Variants in CIT observed in about 807,000 individuals in gnomAD.
CIT encodes the protein citron Rho-interacting kinase.
In CIT, 79 loss-of-function variants were observed where a neutral mutation model predicts 272.7. The observed-to-expected ratio is 0.29, with a 90% CI of 0.24 to 0.35. CIT has a LOEUF of 0.35. CIT is among the 10% of genes least tolerant of loss of function. CIT has a pLI of 1.00. For synonymous variants in CIT, 948 were observed against 995.6 expected (o/e 0.95, Z 0.90); for missense variants, 1,909 against 2,618.3 (o/e 0.73, Z 5.91).
chr12:119,818,774 C>T (rs1008290970), intron 9 of CIT, among the ~76,000 whole-genome samples: 10 of 152,178 alleles, frequency 6.6e-5, no homozygotes, highest in Non-Finnish European at 1.0e-4. Context: ...GGAAATAATC[C>T]GTGATCACCA....
At chr12:119,877,086 G>A (rs564226391) in intron 1 of CIT, among the ~76,000 whole-genome samples, 163 bp downstream of exon 1, 70 of 152,280 alleles carry the variant, frequency 4.6e-4, no homozygotes, top group Admixed American at 4.6e-3. Flanking sequence ...CGCGCGCACA[G>A]CTAGCCCCGG....
At chr12:119,812,352 G>A (rs553466321) in intron 9 of CIT, among the ~76,000 whole-genome samples, 4 of 152,092 alleles carry the variant, frequency 2.6e-5, no homozygotes, top group South Asian at 2.1e-4. Context: ...CATGAATTAC[G>A]TACACCCAAT....
rs147678763 is a variant in CIT at position 119,849,193 on chromosome 12, G to A, written c.516+981C>T. 2.1e-3 allele frequency among the ~76,000 whole-genome samples: 320 copies of A among 152,320 alleles called. 1 individual carries two copies. Among genetic ancestry groups the A allele is most frequent in the African/African-American group, 7.5e-3 (310 of 41,578 alleles). On this transcript the variant is annotated intron_variant, in intron 5 of 47. Coordinates refer to ENST00000392521, the MANE Select transcript of CIT (RefSeq NM_001206999.2). ...TGTAATCACAACACTTTGGGAGGCC[G>A]AGGCAGGTGGATCATTTGAGGTCAG...
intron 2 of CIT, among the ~76,000 whole-genome samples, chr12:119,874,153 C>G (rs1334723424): frequency 2.0e-5 from 3 of 152,094 alleles, no homozygotes; most frequent in African/African-American, 7.2e-5. Flanking sequence ...CGACAACCTC[C>G]GCCTCCCGGG....
In CIT at chr12:119,850,216, G is replaced by T; in HGVS notation, c.474C>A (p.Pro158=). ...TGTCCTGAAAGGCATACTGTAATTGGGGGATCCACGGGCTTGTGCTTCGAG... is the reference window on the plus strand; with the variant it reads ...TGTCCTGAAAGGCATACTGTAATTGTGGGATCCACGGGCTTGTGCTTCGAG... ...ILSRSTSPWI[P]QLQYAFQDKN... The change falls in exon 5 of 48, where the codon CCC becomes CCA. Residue 158 remains proline (P), a synonymous_variant. Transcript: ENST00000392521. The T allele has an allele frequency of 6.2e-7, 1 of 1,613,472 alleles. No individual in the cohort carries two copies. The highest frequency in any genetic ancestry group is 1.3e-5 in the African/African-American group (1 of 74,932).
At chr12:119,766,154 TGCA>T (rs768984175) in intron 19 of CIT, among the ~76,000 whole-genome samples, 8 of 152,050 alleles carry the variant, frequency 5.3e-5, no homozygotes, top group Non-Finnish European at 8.8e-5. Context: ...GGTTGATCTG[TGCA>T]GCCAATCACC....
intron 30 of CIT, among the ~76,000 whole-genome samples, chr12:119,719,375 C>T (rs1008070446): frequency 1.3e-5 from 2 of 149,880 alleles, no homozygotes; most frequent in African/African-American, 4.9e-5. Flanking sequence ...ATTTACTATA[C>T]ATGGAAAAAA....
rs71451855 is a variant in CIT at position 119,694,806 on chromosome 12, G to GA, written c.5882+2852dup. Among the ~76,000 whole-genome samples the GA allele has an allele frequency of 4.5e-4, 68 of 150,438 alleles. No individual in the cohort carries two copies. Among genetic ancestry groups the GA allele is most frequent in the Non-Finnish European group, 8.5e-4 (57 of 67,356 alleles). On this transcript the variant is annotated intron_variant, in intron 46 of 47. Transcript: ENST00000392521. The surrounding 1 kb of genome is among the most constrained non-coding windows in gnomAD (Gnocchi z 4.5). ...TGGGCACAGAGTGAGACCCTACCTC[G>GA]AAAAAAAATAAATAAATAAAAATAA...
intron 26 of CIT, among the ~76,000 whole-genome samples, chr12:119,732,099 C>G (rs1417858644): frequency 6.6e-6 from 1 of 151,996 alleles, no homozygotes; most frequent in Non-Finnish European, 1.5e-5. Flanking sequence ...GCCTCCCCAT[C>G]TCTCCTAAAT....
chr12:119,861,123 G>GAA (rs751799519), intron 3 of CIT, among the ~76,000 whole-genome samples: 8 of 137,382 alleles, frequency 5.8e-5, no homozygotes, highest in Non-Finnish European at 1.1e-4. Context: ...TCTGTCTCAG[G>GAA]AAAAAAAAAA....
intron 13 of CIT, among the ~76,000 whole-genome samples, chr12:119,778,025 A>G (rs1963941770): frequency 6.6e-6 from 1 of 152,236 alleles, no homozygotes; most frequent in South Asian, 2.1e-4. Context: ...GTTTCTCACC[A>G]TTAATTTTTC....
At chr12:119,724,930 C>CAAAAAAA in intron 28 of CIT, among the ~76,000 whole-genome samples, 1 of 44,528 alleles carries the variant, frequency 2.2e-5, no homozygotes, top group Non-Finnish European at 4.3e-5. Flanking sequence ...GACTCCATCT[C>CAAAAAAA]AAAAAAAAAA....
chr12:119,806,017 G>A (rs894076574), intron 9 of CIT, among the ~76,000 whole-genome samples: 2 of 151,858 alleles, frequency 1.3e-5, no homozygotes, highest in Non-Finnish European at 2.9e-5. Context: ...CATGCCTGTA[G>A]TCCCAGCTAC....
intron 9 of CIT, among the ~76,000 whole-genome samples, chr12:119,820,178 G>A (rs1204627778): frequency 6.6e-6 from 1 of 152,226 alleles, no homozygotes; most frequent in African/African-American, 2.4e-5. Context: ...AGTCTGAAGT[G>A]TAGTTAACAA....
chr12:119,754,043 T>C (rs751204480), intron 22 of CIT, among the ~76,000 whole-genome samples: 19 of 152,148 alleles, frequency 1.2e-4, no homozygotes, highest in Non-Finnish European at 2.8e-4. Context: ...ATGGCTATTA[T>C]CTCTCTCTAG....
chr12:119,710,633 G>GA lies in CIT; in HGVS notation c.4855-14dup. 1 of 1,610,188 alleles carries GA rather than the reference G, an allele frequency of 6.2e-7. No individual in the cohort carries two copies. The highest frequency in any genetic ancestry group is 8.5e-7 in the Non-Finnish European group (1 of 1,176,460). On this transcript the variant is annotated splice_polypyrimidine_tract_variant and intron_variant, in intron 37 of 47. Coordinates refer to ENST00000392521, the MANE Select transcript of CIT (RefSeq NM_001206999.2). The surrounding 1 kb of genome is among the most constrained non-coding windows in gnomAD (Gnocchi z 5.6). ...TTCCAAGCAGTTTCTTTTCATAGGT[G>GA]AAAGAAAAGAAAAACAGAAGACATC...
At chr12:119,788,649 T>C (rs977956777) in intron 10 of CIT, among the ~76,000 whole-genome samples, 2 of 152,074 alleles carry the variant, frequency 1.3e-5, no homozygotes, top group Non-Finnish European at 2.9e-5. Context: ...CAAAACAGAT[T>C]GCTTTTTCAC....
chr12:119,853,549 G>A (rs1015339235), intron 4 of CIT, among the ~76,000 whole-genome samples: 1 of 152,112 alleles, frequency 6.6e-6, no homozygotes, highest in African/African-American at 2.4e-5. Context: ...AAAGTGCTGG[G>A]ATTACAGGCG....
intron 10 of CIT, among the ~76,000 whole-genome samples, chr12:119,802,965 A>G (rs979363760): frequency 3.9e-5 from 6 of 152,120 alleles, no homozygotes; most frequent in African/African-American, 1.2e-4. Flanking sequence ...AACCCAAAGT[A>G]CCCAATTGAC....
Sources: gnomAD v4.1 joint callset for allele counts (sites outside exome capture counted in the v4.1 genomes callset) on GRCh38, gnomAD v4.1.1 for gene constraint, Gnocchi (gnomAD v3.1) non-coding constraint, MANE v1.5 for transcripts, NCBI Gene and HGNC (gene_info 2026-07-23, HGNC 2026-07-21) for gene names.